Variants in GRK2 observed in about 807,000 individuals in gnomAD.
GRK2 encodes the protein G protein-coupled receptor kinase 2.
A neutral mutation model predicts 97.8 loss-of-function variants in GRK2; 23 were observed. The ratio of observed to expected loss-of-function variants is 0.24; its 90% CI spans 0.17 to 0.33. The LOEUF (loss-of-function observed/expected upper bound fraction) is 0.33, where lower values mean the gene tolerates loss of function less well. Among genes scored for constraint, GRK2 ranks in the 10% least tolerant of loss-of-function variants. GRK2 has a pLI of 1.00. For synonymous variants in GRK2, 425 were observed against 381.7 expected (o/e 1.11, Z -1.32); for missense variants, 633 against 956.9 (o/e 0.66, Z 4.47).
rs1389500623 is a variant in GRK2, at chr11:67,276,856, T to C, written c.114-416T>C. The C allele has an allele frequency of 1.3e-5, 2 of 159,878 alleles. No individual in the cohort carries two copies. Among genetic ancestry groups the C allele is most frequent in the East Asian group, 3.6e-4 (2 of 5,526 alleles). 9.9% of individuals were successfully genotyped at this position (159,878 alleles called of 1,614,324 possible). A position where few individuals can be genotyped will look rare whatever the true frequency, so the allele number is the denominator to read the frequency against. On this transcript the variant is annotated intron_variant, in intron 1 of 20. Coordinates refer to ENST00000308595, the MANE Select transcript of GRK2 (RefSeq NM_001619.5). This position sits in a 1 kb window ranked among gnomAD's most constrained non-coding sequence, Gnocchi z 4.2. The stretch of plus-strand genomic sequence containing the variant: ...GGCTCATCCACGTTGTGGCCCCTGT[T>C]GGTGCCTTGTTCCTTTTTACAGCCG...
intron 1 of GRK2, 106 bp downstream of exon 1, chr11:67,266,918 C>T: frequency 2.4e-6 from 1 of 410,622 alleles, no homozygotes; most frequent in Non-Finnish European, 3.8e-6. Flanking sequence ...CCCCCGGGGC[C>T]GGCTCTCGCA....
chr11:67,272,375 C>CT (rs1340140747), intron 1 of GRK2, among the ~76,000 whole-genome samples: 2 of 152,180 alleles, frequency 1.3e-5, no homozygotes, highest in African/African-American at 4.8e-5. Flanking sequence ...GCCCAGCCAG[C>CT]TTCCTTGCCA....
chr11:67,268,286 G>T lies in GRK2; in HGVS notation c.113+1474G>T, dbSNP rs141006688. 2.7e-3 allele frequency among the ~76,000 whole-genome samples: 416 copies of T among 152,308 alleles called. 4 individuals are homozygous for T. The highest frequency in any genetic ancestry group is 8.9e-3 in the African/African-American group (368 of 41,566). ...CCCTGTGCCATGCCCTGCTCACTGG[G>T]TGTTTGGATTGACTGAACGTCAGGC... On this transcript the variant is annotated intron_variant, in intron 1 of 20. Coordinates refer to ENST00000308595, the MANE Select transcript of GRK2 (RefSeq NM_001619.5).
In GRK2 at chr11:67,281,003, G is replaced by A; in HGVS notation, c.556-90G>A. On this transcript the variant is annotated intron_variant, in intron 7 of 20. Coordinates refer to ENST00000308595, the MANE Select transcript of GRK2 (RefSeq NM_001619.5). The surrounding 1 kb of genome is among the most constrained non-coding windows in gnomAD (Gnocchi z 5.7). ...CCAGGACATGGGTATGGGGACCCTG[G>A]CATGGGGCCAGCCCCTGCTGCCCAG... is the stretch of plus-strand genomic sequence containing the variant. 8.0e-7 allele frequency: 1 copy of A among 1,251,578 alleles called. No individual in the cohort carries two copies. Among genetic ancestry groups the A allele is most frequent in the Non-Finnish European group, 1.1e-6 (1 of 882,224 alleles). 77.5% of individuals were successfully genotyped at this position (1,251,578 alleles called of 1,614,324 possible). A position where few individuals can be genotyped will look rare whatever the true frequency, so the allele number is the denominator to read the frequency against.
At chr11:67,275,089 A>T (rs1440054076) in intron 1 of GRK2, among the ~76,000 whole-genome samples, 4 of 152,122 alleles carry the variant, frequency 2.6e-5, no homozygotes, top group Non-Finnish European at 4.4e-5. Context: ...CCAGCCTCTG[A>T]GGGTGGGGAG....
chr11:67,268,349 G>A (rs753373152), intron 1 of GRK2, among the ~76,000 whole-genome samples: 4 of 152,156 alleles, frequency 2.6e-5, no homozygotes, highest in East Asian at 1.9e-4. Context: ...TGAAAAGGCC[G>A]TTAGGGCCTT....
rs1325182225 is a variant in GRK2 at position 67,266,800 on chromosome 11, T to C, written c.101T>C (p.Leu34Pro). The change falls in exon 1 of 21, where the codon CTG becomes CCG. Residue 34 changes from leucine to proline, a missense_variant. Transcript: ENST00000308595. ...PAARASKKIL[L>P]PEPSIRSVMQ... is the part of the protein sequence containing the mutation. Reference sequence around the variant, plus strand: ...GCGCGCGCCAGCAAGAAGATCCTGCTGCCCGAGCCCAGGTGAGGAGAAGCT... The same window carrying C: ...GCGCGCGCCAGCAAGAAGATCCTGCCGCCCGAGCCCAGGTGAGGAGAAGCT... The C allele has an allele frequency of 7.6e-7, 1 of 1,317,144 alleles. No individual in the cohort carries two copies. The highest frequency in any genetic ancestry group is 3.3e-5 in the East Asian group (1 of 29,978). The allele number at this position is 1,317,144 out of a possible 1,614,324, so 81.6% of individuals were successfully genotyped here. A position where few individuals can be genotyped will look rare whatever the true frequency, so the allele number is the denominator to read the frequency against.
At chr11:67,280,546 C>T (rs1359826476) in intron 6 of GRK2, 186 bp from the exon 7 acceptor site, 3 of 693,884 alleles carry the variant, frequency 4.3e-6, no homozygotes, top group Non-Finnish European at 7.5e-6. Flanking sequence ...CCAAGCAGCC[C>T]TGACTGGTGC....
At position 67,269,698 on chromosome 11, in the gene GRK2, CAG is replaced by C. The variant is rs1393682476; in HGVS notation, c.113+2887_113+2888del. Among the ~76,000 whole-genome samples the C allele has an allele frequency of 6.6e-6, 1 of 152,224 alleles. No individual in the cohort carries two copies. The highest frequency in any genetic ancestry group is 1.5e-5 in the Non-Finnish European group (1 of 68,036). ...ATACCCACAAGGTCAAGGTCAGAGT[CAG>C]GGAGAGGGGCTGTGGCTTGTCCCAG... On this transcript the variant is annotated intron_variant, in intron 1 of 20. Coordinates refer to ENST00000308595, the MANE Select transcript of GRK2 (RefSeq NM_001619.5). This position sits in a 1 kb window ranked among gnomAD's most constrained non-coding sequence, Gnocchi z 4.1.
At chr11:67,275,209 C>T (rs1014962048) in intron 1 of GRK2, among the ~76,000 whole-genome samples, 3 of 152,188 alleles carry the variant, frequency 2.0e-5, no homozygotes, top group African/African-American at 7.2e-5. Flanking sequence ...AGATCAGGGG[C>T]CGAGGCCCGG....
chr11:67,271,343 T>C (rs1474033479), intron 1 of GRK2, among the ~76,000 whole-genome samples: 1 of 152,274 alleles, frequency 6.6e-6, no homozygotes. Context: ...TGCTGTTTAC[T>C]GCAAAAGGAC....
intron 2 of GRK2, among the ~76,000 whole-genome samples, chr11:67,277,642 C>G (rs779334439): frequency 6.6e-6 from 1 of 152,210 alleles, no homozygotes; most frequent in Non-Finnish European, 1.5e-5. Context: ...TTCCCCTTGG[C>G]GCGGCCGCAG....
chr11:67,272,893 G>A (rs1382084949), intron 1 of GRK2, among the ~76,000 whole-genome samples: 3 of 152,246 alleles, frequency 2.0e-5, no homozygotes, highest in African/African-American at 4.8e-5. Context: ...TCCTCTCCGA[G>A]GACACGGCAA....
At position 67,285,671 on chromosome 11, in the gene GRK2, C is replaced by T; in HGVS notation, c.*221C>T. 1 of 554,702 alleles carries T rather than the reference C, an allele frequency of 1.8e-6. No homozygotes were observed. The highest frequency in any genetic ancestry group is 3.1e-6 in the Non-Finnish European group (1 of 321,844). 34.4% of individuals were successfully genotyped at this position (554,702 alleles called of 1,614,324 possible). On this transcript the variant is annotated 3_prime_UTR_variant, in exon 21 of 21. Coordinates refer to ENST00000308595, the MANE Select transcript of GRK2 (RefSeq NM_001619.5). Reference sequence around the variant, plus strand: ...GTCCTGACTTCAGGGGCTGCCCGCTCCCAGTGTCTTCCTGTGGGGGAAGAG... The same window carrying T: ...GTCCTGACTTCAGGGGCTGCCCGCTTCCAGTGTCTTCCTGTGGGGGAAGAG...
chr11:67,269,093 C>T lies in GRK2; in HGVS notation c.113+2281C>T, dbSNP rs1399961441. ...TGGGAAGGGCTACTGGCCACCCCTACATGGGGGTCCAGGCCTGGGGCATTA... is the reference window on the plus strand; with the variant it reads ...TGGGAAGGGCTACTGGCCACCCCTATATGGGGGTCCAGGCCTGGGGCATTA... On this transcript the variant is annotated intron_variant, in intron 1 of 20. Transcript: ENST00000308595. The surrounding 1 kb of genome is among the most constrained non-coding windows in gnomAD (Gnocchi z 4.1). Among the ~76,000 whole-genome samples the T allele has an allele frequency of 1.3e-5, 2 of 152,238 alleles. No homozygotes were observed. Among genetic ancestry groups the T allele is most frequent in the South Asian group, 2.1e-4 (1 of 4,834 alleles).
rs1157232729 is a variant in GRK2 at position 67,280,914 on chromosome 11, TG to T, written c.555+136del. The T allele has an allele frequency of 9.7e-6, 12 of 1,234,230 alleles. No individual in the cohort carries two copies. In the Admixed American group the frequency reaches 1.0e-4, roughly 11 times the overall value. The allele number at this position is 1,234,230 out of a possible 1,614,324, so 76.5% of individuals were successfully genotyped here. ...CCTTTAGCCCCCAGGGCCGTGGCTA[TG>T]GGGGTCAGGGCCGGGATCCCAGCAT... On this transcript the variant is annotated intron_variant, in intron 7 of 20. Coordinates refer to ENST00000308595, the MANE Select transcript of GRK2 (RefSeq NM_001619.5).
At position 67,285,776 on chromosome 11, in the gene GRK2, G is replaced by A; in HGVS notation, c.*326G>A. On this transcript the variant is annotated 3_prime_UTR_variant, in exon 21 of 21. Transcript: ENST00000308595. ...CTGGGCTCTGTGGGCTGCACTCTGT[G>A]CCCATGGGCACTGCTGGGTGGCCCA... The A allele has an allele frequency of 2.8e-6, 1 of 362,144 alleles. No homozygotes were observed. The allele number at this position is 362,144 out of a possible 1,614,324, so 22.4% of individuals were successfully genotyped here.
chr11:67,273,176 T>C (rs1164878431), intron 1 of GRK2, among the ~76,000 whole-genome samples: 1 of 152,228 alleles, frequency 6.6e-6, no homozygotes, highest in Non-Finnish European at 1.5e-5. Context: ...ATTTCAAGTT[T>C]GTGACCAGGT....
chr11:67,272,403 G>A (rs1859930010), intron 1 of GRK2, among the ~76,000 whole-genome samples: 1 of 152,170 alleles, frequency 6.6e-6, no homozygotes, highest in Admixed American at 6.5e-5. Context: ...GAGTGTGTTT[G>A]TCTCTGACTT....
Sources: gnomAD v4.1 joint callset for allele counts (sites outside exome capture counted in the v4.1 genomes callset) on GRCh38, gnomAD v4.1.1 for gene constraint, Gnocchi (gnomAD v3.1) non-coding constraint, MANE v1.5 for transcripts, NCBI Gene and HGNC (gene_info 2026-07-23, HGNC 2026-07-21) for gene names.